The following GRB10 variants were observed in gnomAD, a reference collection of about 807,000 sequenced individuals.
The protein encoded by GRB10 is growth factor receptor bound protein 10, also known as growth factor receptor-bound protein 10.
Under a neutral mutation model 80.9 loss-of-function variants are expected in GRB10, and 20 were observed. The observed-to-expected ratio is 0.25, with a 90% CI of 0.17 to 0.36. The LOEUF (loss-of-function observed/expected upper bound fraction) is 0.36. GRB10 is among the 10% of genes least tolerant of loss of function. The probability of loss-of-function intolerance (pLI) is 1.00; values close to 1 mark genes in which losing one functional copy is unlikely to be tolerated. For missense variants in GRB10, 548 were observed against 747.7 expected (o/e 0.73, Z 3.12); for synonymous variants, 291 against 291.5 (o/e 1.00, Z 0.02).
At chr7:50,749,117 G>GTTT (rs759030878) in intron 3 of GRB10, among the ~76,000 whole-genome samples, 91 of 62,182 alleles carry the variant, frequency 1.5e-3, no homozygotes, top group Admixed American at 7.5e-4. Flanking sequence ...TTTTTGTTTT[G>GTTT]TTTTGTTTTT....
chr7:50,756,461 C>A (rs1375156035), intron 2 of GRB10, among the ~76,000 whole-genome samples: 2 of 152,270 alleles, frequency 1.3e-5, no homozygotes, highest in Non-Finnish European at 2.9e-5. Context: ...CCAGCAGGAA[C>A]CTGCCTCCAT....
At chr7:50,645,503 T>C (rs17545714) in intron 7 of GRB10, 76,706 of 699,676 alleles carry the variant, frequency 0.11, 4,805 homozygotes, top group Non-Finnish European at 0.12. Context: ...CTAACTCCTT[T>C]AAAACCAAGC....
chr7:50,625,550 T>C (rs180881200), intron 8 of GRB10, among the ~76,000 whole-genome samples: 1 of 152,322 alleles, frequency 6.6e-6, no homozygotes, highest in Non-Finnish European at 1.5e-5. Flanking sequence ...AAGCTGGAGC[T>C]TGACGGGACA....
At chr7:50,792,246 C>A (rs145650135) in intron 1 of GRB10, among the ~76,000 whole-genome samples, 3 of 152,110 alleles carry the variant, frequency 2.0e-5, no homozygotes, top group Non-Finnish European at 1.5e-5. Context: ...CCCCCTCCCC[C>A]CCATCTCTTG....
Position 50,592,764 on chromosome 7 carries a change from G to T in GRB10, c.*188C>A. The T allele has an allele frequency of 3.0e-6, 2 of 672,800 alleles. No individual in the cohort carries two copies. The highest frequency in any genetic ancestry group is 1.8e-5 in the African/African-American group (1 of 56,306). 41.7% of individuals were successfully genotyped at this position (672,800 alleles called of 1,614,324 possible). The stretch of plus-strand genomic sequence containing the variant: ...GATGCAGAGGGAGGCGACCCTGCTG[G>T]GTTCACAGCAGCAAATCGTCGTTTA... On this transcript the variant is annotated 3_prime_UTR_variant, in exon 19 of 19. Transcript: ENST00000401949.
At chr7:50,773,395 A>AGGGAAGGGGAAGGGAAGGGGAAG (rs1562681012) in intron 2 of GRB10, among the ~76,000 whole-genome samples, 1 of 81,472 alleles carries the variant, frequency 1.2e-5, no homozygotes, top group African/African-American at 3.8e-5. Flanking sequence ...GGGAAGGGGA[A>AGGGAAGGGGAAGGGAAGGGGAAG]GGGAAGGGGA....
At chr7:50,601,436 G>C (rs950754447) in intron 17 of GRB10, among the ~76,000 whole-genome samples, 3 of 152,192 alleles carry the variant, frequency 2.0e-5, no homozygotes, top group African/African-American at 7.2e-5. Context: ...CAGCAGTTTG[G>C]TGACAGAACC....
rs2064972033 is a variant in GRB10 at position 50,705,841 on chromosome 7, GCA to G, written c.52-1935_52-1934del. ...AGAAAGAGGGGAAAGACAGTTTGGAGCACACAGTGTCTGGGAGGAAAGGGCAA... is the reference window on the plus strand; with the variant it reads ...AGAAAGAGGGGAAAGACAGTTTGGAGCACAGTGTCTGGGAGGAAAGGGCAA... On this transcript the variant is annotated intron_variant, in intron 4 of 18. Transcript: ENST00000401949. 1.3e-5 allele frequency among the ~76,000 whole-genome samples: 2 copies of G among 152,218 alleles called. 1 individual carries two copies. Among genetic ancestry groups the G allele is most frequent in the African/African-American group, 4.8e-5 (2 of 41,448 alleles).
At chr7:50,717,813 C>T (rs542539738) in intron 4 of GRB10, among the ~76,000 whole-genome samples, 1 of 152,292 alleles carries the variant, frequency 6.6e-6, no homozygotes, top group Admixed American at 6.5e-5. Context: ...GTCTCTGGAC[C>T]CATTGAGGAG....
At chr7:50,786,425 T>G (rs1429452532), upstream of GRB10, among the ~76,000 whole-genome samples, 1 of 152,220 alleles carries the variant, frequency 6.6e-6, no homozygotes, top group Non-Finnish European at 1.5e-5. Flanking sequence ...AAGACTCATC[T>G]TCAAGGAACT....
At chr7:50,754,344 G>A (rs1449149715) in intron 3 of GRB10, among the ~76,000 whole-genome samples, 2 of 152,204 alleles carry the variant, frequency 1.3e-5, no homozygotes, top group Non-Finnish European at 2.9e-5. Flanking sequence ...ACTCAACTAT[G>A]CTGTGAGGAG....
At chr7:50,735,521 A>T (rs1171023642) in intron 3 of GRB10, among the ~76,000 whole-genome samples, 1 of 152,172 alleles carries the variant, frequency 6.6e-6, no homozygotes, top group Non-Finnish European at 1.5e-5. Context: ...GTTTTTCTGT[A>T]GGTTGAACAT....
At chr7:50,642,362 A>G (rs2056412178) in intron 7 of GRB10, among the ~76,000 whole-genome samples, 2 of 149,806 alleles carry the variant, frequency 1.3e-5, no homozygotes, top group South Asian at 4.2e-4. Flanking sequence ...ATGCACACAC[A>G]TATATGCCGT....
At chr7:50,728,215 G>GC (rs1554606692) in intron 4 of GRB10, among the ~76,000 whole-genome samples, 1 of 1,710 alleles carries the variant, frequency 5.8e-4, no homozygotes, top group African/African-American at 3.7e-3. Flanking sequence ...GCCAAAGTAT[G>GC]GGGGGGGGGT....
chr7:50,593,688 T>C (rs2046133082), intron 18 of GRB10, among the ~76,000 whole-genome samples: 1 of 152,216 alleles, frequency 6.6e-6, no homozygotes, highest in Admixed American at 6.5e-5. Context: ...TCCTAACACC[T>C]ATTTTAACTC....
intron 2 of GRB10, among the ~76,000 whole-genome samples, chr7:50,776,067 C>T (rs950823212): frequency 6.6e-6 from 1 of 152,202 alleles, no homozygotes; most frequent in Non-Finnish European, 1.5e-5. Flanking sequence ...GATCATTCTT[C>T]CATTATCTTG....
intron 13 of GRB10, among the ~76,000 whole-genome samples, chr7:50,610,987 A>AT (rs1461396628): frequency 6.8e-6 from 1 of 147,764 alleles, no homozygotes; most frequent in African/African-American, 2.5e-5. Flanking sequence ...TTCCTTTTTC[A>AT]TTTCCTTTTT....
chr7:50,600,481 C>G (rs191479876), intron 17 of GRB10, among the ~76,000 whole-genome samples: 2 of 152,186 alleles, frequency 1.3e-5, no homozygotes, highest in African/African-American at 4.8e-5. Context: ...CCAAGTGCAT[C>G]TGGGATCGAA....
rs201293680 is a variant in GRB10 at position 50,619,306 on chromosome 7, G to A, written c.662-21C>T. On this transcript the variant is annotated intron_variant, in intron 8 of 18. Coordinates refer to ENST00000401949, the MANE Select transcript of GRB10 (RefSeq NM_001350814.2). ...CCTCTCTGCAGGGGCAAAGCATCAC[G>A]TGTGAGACGCAACAGGTGGGAAATT... 25 of 1,395,464 alleles carry A rather than the reference G, an allele frequency of 1.8e-5. No individual in the cohort carries two copies. In the African/African-American group the frequency reaches 2.3e-4, roughly 13 times the overall value. The allele number at this position is 1,395,464 out of a possible 1,614,324, so 86.4% of individuals were successfully genotyped here. A position where few individuals can be genotyped will look rare whatever the true frequency, so the allele number is the denominator to read the frequency against.
Sources: allele counts gnomAD v4.1 joint callset (sites outside exome capture counted in the v4.1 genomes callset), GRCh38; gene constraint gnomAD v4.1.1; transcripts MANE v1.5; gene names NCBI Gene and HGNC (gene_info 2026-07-23, HGNC 2026-07-21).